The following TBCE variants were observed in gnomAD, a reference collection of about 807,000 sequenced individuals.
TBCE encodes tubulin-specific chaperone E.
TBCE carries 53 observed loss-of-function variants against 77.0 expected under a neutral mutation model. The observed-to-expected ratio is 0.69, with a 90% confidence interval of 0.55 to 0.87. The LOEUF is 0.87. TBCE is among the 40% of genes least tolerant of loss of function. The pLI is 0.00. For missense variants in TBCE, 624 were observed against 622.4 expected, an observed-to-expected ratio of 1.00 and a Z score of -0.03; for synonymous variants, 235 against 241.3, an observed-to-expected ratio of 0.97 and a Z score of 0.24.
In TBCE at chr1:235,436,387, T is replaced by C. The variant is rs147049084; in HGVS notation, c.835T>C (p.Leu279=). 284 of 1,613,108 alleles carry C rather than the reference T, an allele frequency of 1.8e-4. 1 individual carries two copies. The highest frequency in any genetic ancestry group is 2.0e-4 in the Non-Finnish European group (240 of 1,179,278). ...QLYLIAHLPR[L]EQLILSDTGI... ...CAAATTGTACATTTTGAATTTCAGGTTAGAACAATTAATCCTCTCTGACAC... is the reference window on the plus strand; with the variant it reads ...CAAATTGTACATTTTGAATTTCAGGCTAGAACAATTAATCCTCTCTGACAC... The change falls in exon 10 of 17, where the codon TTA becomes CTA. Residue 279 remains leucine, a splice_region_variant and synonymous_variant. Coordinates refer to ENST00000642610, the MANE Select transcript of TBCE (RefSeq NM_003193.5).
chr1:235,390,938 A>G (rs1678348574), intron 2 of TBCE, among the ~76,000 whole-genome samples: 1 of 152,048 alleles, frequency 6.6e-6, no homozygotes. Flanking sequence ...TAAGGAAGCT[A>G]TCATGTAAAG....
At chr1:235,432,505 C>T (rs12732726) in intron 7 of TBCE, among the ~76,000 whole-genome samples, 1,613 of 152,234 alleles carry the variant, frequency 0.011, 18 homozygotes, top group South Asian at 0.04. Flanking sequence ...CAGACACTGG[C>T]ACTGGGGCTC....
At chr1:235,424,322 CTTTTTTTT>C (rs1160280902) in intron 5 of TBCE, among the ~76,000 whole-genome samples, 1 of 123,782 alleles carries the variant, frequency 8.1e-6, no homozygotes, top group Admixed American at 8.3e-5. Context: ...TCTTAGAGCT[CTTTTTTTT>C]TTTTTTTTTT....
chr1:235,436,256 G>A, intron 9 of TBCE, 130 bp from the exon 10 acceptor site: 2 of 796,392 alleles, frequency 2.5e-6, no homozygotes, highest in Non-Finnish European at 4.2e-6. Context: ...TGGACTTTAT[G>A]GTTTCTAAGT....
chr1:235,431,547 G>C (rs945265409), intron 7 of TBCE, among the ~76,000 whole-genome samples: 6 of 151,844 alleles, frequency 4.0e-5, no homozygotes, highest in Non-Finnish European at 8.8e-5. Flanking sequence ...TTTTAGTAGA[G>C]ACATGGTTTC....
chr1:235,435,220 C>T (rs1201457672), intron 8 of TBCE, among the ~76,000 whole-genome samples: 2 of 152,044 alleles, frequency 1.3e-5, no homozygotes, highest in Non-Finnish European at 2.9e-5. Flanking sequence ...CCTGCCTCAG[C>T]CTCCCATGTA....
In TBCE at chr1:235,439,074, T is replaced by C. The variant is rs995296321; in HGVS notation, c.1270+152T>C. 5.6e-6 allele frequency: 6 copies of C among 1,078,256 alleles called. No homozygotes were observed. In the Admixed American group the frequency reaches 9.9e-5, roughly 18 times the overall value. 66.8% of individuals were successfully genotyped at this position (1,078,256 alleles called of 1,614,324 possible). The stretch of plus-strand genomic sequence containing the variant: ...TCATCTGAATGGACTATAGGCACTT[T>C]CCTGGGGCGAGGGCGGCAGGGCAAG... On this transcript the variant is annotated intron_variant, in intron 13 of 16. Coordinates refer to ENST00000642610, the MANE Select transcript of TBCE (RefSeq NM_003193.5).
At chr1:235,379,546 CA>C (rs920041723) in intron 1 of TBCE, among the ~76,000 whole-genome samples, 5 of 150,664 alleles carry the variant, frequency 3.3e-5, no homozygotes, top group African/African-American at 7.3e-5. Context: ...ACAACAAGAA[CA>C]AAAAAAACAC....
At chr1:235,420,036 G>A (rs1227057547) in intron 5 of TBCE, among the ~76,000 whole-genome samples, 1 of 151,232 alleles carries the variant, frequency 6.6e-6, no homozygotes, top group Non-Finnish European at 1.5e-5. Context: ...AGTGAGCTGA[G>A]ATCGCGCCAG....
intron 13 of TBCE, among the ~76,000 whole-genome samples, chr1:235,440,121 C>G (rs1362130187): frequency 6.6e-6 from 1 of 152,144 alleles, no homozygotes; most frequent in Non-Finnish European, 1.5e-5. Flanking sequence ...CAGGCGCCCA[C>G]CACCACACCC....
At chr1:235,432,209 C>T (rs895714566) in intron 7 of TBCE, among the ~76,000 whole-genome samples, 2 of 152,130 alleles carry the variant, frequency 1.3e-5, no homozygotes, top group South Asian at 2.1e-4. Context: ...GTCTTGAACT[C>T]CTGACCTCAA....
intron 7 of TBCE, 75 bp downstream of exon 7, chr1:235,430,879 A>C: frequency 1.7e-6 from 2 of 1,180,778 alleles, no homozygotes; most frequent in Non-Finnish European, 2.5e-6. Context: ...AATTGTTAGT[A>C]CAGTTTAATA....
intron 15 of TBCE, among the ~76,000 whole-genome samples, chr1:235,446,511 A>G (rs1031799535): frequency 2.0e-5 from 3 of 152,142 alleles, no homozygotes; most frequent in African/African-American, 7.2e-5. Flanking sequence ...ACACAGAAAA[A>G]AAAAGGCCTA....
chr1:235,395,281 C>T (rs889052192), intron 2 of TBCE, among the ~76,000 whole-genome samples: 1 of 152,056 alleles, frequency 6.6e-6, no homozygotes, highest in Non-Finnish European at 1.5e-5. Flanking sequence ...GATTTTGATA[C>T]AGGCATATAA....
chr1:235,412,146 C>T (rs142136036), intron 3 of TBCE, among the ~76,000 whole-genome samples: 52 of 3,484 alleles, frequency 0.015, 2 homozygotes, highest in African/African-American at 0.061. Flanking sequence ...CTCCCCTTCC[C>T]CTCCCCTCCC....
chr1:235,423,327 TGACA>T (rs1680509462), intron 5 of TBCE, among the ~76,000 whole-genome samples: 14 of 152,188 alleles, frequency 9.2e-5, no homozygotes, highest in Admixed American at 8.5e-4. Flanking sequence ...GACCACATAT[TGACA>T]GCTGTTGTTC....
At chr1:235,446,386 A>C (rs1414358219) in intron 15 of TBCE, among the ~76,000 whole-genome samples, 2 of 152,138 alleles carry the variant, frequency 1.3e-5, no homozygotes, top group African/African-American at 4.8e-5. Flanking sequence ...CATGTTGGCC[A>C]GGCTGGTCTC....
Position 235,448,659 on chromosome 1 carries a change from T to C in TBCE, c.1492-11T>C, listed in dbSNP as rs747195091. ...TAATCACATCCTTCCCCACCTTCGT[T>C]CTAATTTTAGAAGCCGGGCAGAGAA... is the stretch of plus-strand genomic sequence containing the variant. On this transcript the variant is annotated splice_polypyrimidine_tract_variant and intron_variant, in intron 16 of 16. Transcript: ENST00000642610. 1 of 1,610,376 alleles carries C rather than the reference T, an allele frequency of 6.2e-7. No homozygotes were observed. Among genetic ancestry groups the C allele is most frequent in the Non-Finnish European group, 8.5e-7 (1 of 1,176,662 alleles).
At chr1:235,368,791 C>A (rs36034210) in intron 1 of TBCE, among the ~76,000 whole-genome samples, 110,198 of 150,858 alleles carry the variant, frequency 0.73, 41,577 homozygotes, top group African/African-American at 0.93. Context: ...GTTTTGAAGG[C>A]CTGACTTCAG....
Sources: allele counts gnomAD v4.1 joint callset (sites outside exome capture counted in the v4.1 genomes callset), GRCh38; gene constraint gnomAD v4.1.1; transcripts MANE v1.5; gene names NCBI Gene and HGNC (gene_info 2026-07-23, HGNC 2026-07-21).